XDH: variants seen among roughly 807,000 people sequenced by gnomAD.
The protein encoded by XDH is xanthine dehydrogenase/oxidase.
Under a neutral mutation model 156.1 loss-of-function variants are expected in XDH, and 138 were observed. The ratio of observed to expected loss-of-function variants is 0.88; its 90% CI spans 0.77 to 1.02. The LOEUF (loss-of-function observed/expected upper bound fraction) is 1.02. Among genes scored for constraint, XDH ranks in the 50% least tolerant of loss-of-function variants. XDH has a pLI of 0.00. For synonymous variants in XDH, 669 were observed against 625.7 expected, an observed-to-expected ratio of 1.07 and a Z score of -1.03; for missense variants, 1,849 against 1,684.9, an observed-to-expected ratio of 1.10 and a Z score of -1.71.
rs1687110758 is a variant in XDH, at chr2:31,403,286, A to G, written c.101-142T>C. Reference sequence around the variant, plus strand: ...CTCAACCAAGGAAGGCAGCAGGCCCACTGGCCTCCTTATTCAGAGGGGCTG... The same window carrying G: ...CTCAACCAAGGAAGGCAGCAGGCCCGCTGGCCTCCTTATTCAGAGGGGCTG... On this transcript the variant is annotated intron_variant, in intron 2 of 35. Coordinates refer to ENST00000379416, the MANE Select transcript of XDH (RefSeq NM_000379.4). 3 of 832,088 alleles carry G rather than the reference A, an allele frequency of 3.6e-6. No individual in the cohort carries two copies. The Admixed American group carries it at 6.7e-5, about 19-fold the overall frequency. The allele number at this position is 832,088 out of a possible 1,614,324, so 51.5% of individuals were successfully genotyped here. A position where few individuals can be genotyped will look rare whatever the true frequency, so the allele number is the denominator to read the frequency against.
At chr2:31,398,451 G>A in intron 5 of XDH, 122 bp downstream of exon 5, 5 of 1,549,478 alleles carry the variant, frequency 3.2e-6, no homozygotes, top group Non-Finnish European at 4.4e-6. Context: ...CCACCTTGTT[G>A]GGGGGCCTGA....
intron 24 of XDH, among the ~76,000 whole-genome samples, chr2:31,357,829 AATAT>A (rs1236830914): frequency 5.9e-5 from 9 of 152,110 alleles, no homozygotes; most frequent in African/African-American, 2.2e-4. Flanking sequence ...GTATCCTATA[AATAT>A]ATACAACTAC....
rs755557524 is a variant in XDH at position 31,383,054 on chromosome 2, C to G, written c.985G>C (p.Gly329Arg). ...LPAQKTEVFR[G>R]VLEQLRWFAG... ...AACCAGCGCAGCTGCTCCAGGACCC[C>G]TCTGAACACCTCTGTCTTTTGGGCA... Residue 329 changes from glycine (G) to arginine (R), a missense_variant, in exon 11 of 36, where the codon GGG (glycine) becomes CGG (arginine). Coordinates refer to ENST00000379416, the MANE Select transcript of XDH (RefSeq NM_000379.4). 6.2e-7 allele frequency: 1 copy of G among 1,614,098 alleles called. No individual in the cohort carries two copies. The highest frequency in any genetic ancestry group is 1.3e-5 in the African/African-American group (1 of 74,922).
At chr2:31,370,776 G>A (rs1181726177) in intron 17 of XDH, among the ~76,000 whole-genome samples, 1 of 152,138 alleles carries the variant, frequency 6.6e-6, no homozygotes, top group Non-Finnish European at 1.5e-5. Context: ...AAGGTGGGAG[G>A]ATCACTTGAG....
chr2:31,414,433 G>A (rs1409557432), intron 1 of XDH, among the ~76,000 whole-genome samples, 192 bp downstream of exon 1: 2 of 151,662 alleles, frequency 1.3e-5, no homozygotes, highest in African/African-American at 2.4e-5. Context: ...TATCTTGTCT[G>A]TGCTCTAGCC....
Position 31,365,456 on chromosome 2 carries a change from C to A in XDH, c.2544+1G>T. On this transcript the variant is annotated splice_donor_variant, in intron 23 of 35. Coordinates refer to ENST00000379416, the MANE Select transcript of XDH (RefSeq NM_000379.4). LOFTEE classifies it high-confidence loss of function. ...CCCAGCACAGCCCCAACATCTAGAA[C>A]CTTGTATCTGGCCAGGAAGGGATGT... 1.9e-6 allele frequency: 3 copies of A among 1,614,184 alleles called. No homozygotes were observed. Among genetic ancestry groups the A allele is most frequent in the Non-Finnish European group, 2.5e-6 (3 of 1,180,028 alleles).
At chr2:31,352,975 C>T (rs1267315553) in intron 24 of XDH, among the ~76,000 whole-genome samples, 1 of 150,254 alleles carries the variant, frequency 6.7e-6, no homozygotes, top group Non-Finnish European at 1.5e-5. Flanking sequence ...TCTATCTCGG[C>T]CTCCCAAAGT....
At chr2:31,386,956 G>A (rs112948860) in intron 8 of XDH, among the ~76,000 whole-genome samples, 1 of 109,174 alleles carries the variant, frequency 9.2e-6, no homozygotes, top group Non-Finnish European at 1.9e-5. Flanking sequence ...GGGAGGGAGG[G>A]AGGGAGAGAG....
At chr2:31,342,436 T>A (rs1353895529) in intron 31 of XDH, 139 bp from the exon 32 acceptor site, 1 of 719,240 alleles carries the variant, frequency 1.4e-6, no homozygotes, top group Non-Finnish European at 2.4e-6. Flanking sequence ...AGTCCATGGT[T>A]TGAACAATTT....
intron 33 of XDH, among the ~76,000 whole-genome samples, chr2:31,340,813 C>T (rs372445623): frequency 1.3e-5 from 2 of 152,104 alleles, no homozygotes; most frequent in African/African-American, 4.8e-5. Context: ...TCTCCTAAAG[C>T]GATTTTCTCT....
At chr2:31,406,048 T>A in intron 1 of XDH, 84 bp from the exon 2 acceptor site, 1 of 1,454,064 alleles carries the variant, frequency 6.9e-7, no homozygotes, top group Non-Finnish European at 9.6e-7. Flanking sequence ...AGTGTCTCAC[T>A]CAATAATTTG....
Position 31,401,285 on chromosome 2 carries a change from G to A in XDH, c.241C>T (p.His81Tyr). ...TCCACAGTTGTCACTGCAACATGGT[G>A]CAAGGAGCAGATGGGGGCCAGGCAG... ...NACLAPICSL[H>Y]HVAVTTVEGI... Residue 81 changes from histidine (H) to tyrosine (Y), a missense_variant, in exon 4 of 36, where the codon CAC becomes TAC. Coordinates refer to ENST00000379416, the MANE Select transcript of XDH (RefSeq NM_000379.4). 1 of 1,614,202 alleles carries A rather than the reference G, an allele frequency of 6.2e-7. No homozygotes were observed. Among genetic ancestry groups the A allele is most frequent in the Non-Finnish European group, 8.5e-7 (1 of 1,180,020 alleles).
chr2:31,384,117 C>G (rs904269657), intron 9 of XDH: 5 of 171,440 alleles, frequency 2.9e-5, no homozygotes, highest in Non-Finnish European at 5.3e-5. Context: ...TGAATTCACT[C>G]TAGTGTGTGT....
intron 13 of XDH, among the ~76,000 whole-genome samples, chr2:31,378,916 C>A (rs1486102378): frequency 6.6e-6 from 1 of 151,928 alleles, no homozygotes; most frequent in East Asian, 1.9e-4. Flanking sequence ...TCAAAATGGT[C>A]TATACAGACA....
At position 31,337,654 on chromosome 2, in the gene XDH, T is replaced by A; in HGVS notation, c.3938A>T (p.Lys1313Met). Residue 1313 changes from lysine to methionine, a missense_variant, in exon 35 of 36, where the codon AAG (lysine) becomes ATG (methionine). Physicochemically the swap from Lys to Met is moderately conservative, Grantham distance 95. Coordinates refer to ENST00000379416, the MANE Select transcript of XDH (RefSeq NM_000379.4). ...PEKIRNACVD[K>M]FTTLCVTGVP... is the part of the protein sequence containing the mutation. ...GGGGCATCATACCAGGGTGGTGAAC[T>A]TGTCCACGCAGGCATTGCGGATCTT... The A allele has an allele frequency of 6.2e-7, 1 of 1,614,112 alleles. No individual in the cohort carries two copies. Among genetic ancestry groups the A allele is most frequent in the Non-Finnish European group, 8.5e-7 (1 of 1,180,042 alleles).
chr2:31,353,614 A>G (rs1685546573), intron 24 of XDH, among the ~76,000 whole-genome samples: 1 of 152,182 alleles, frequency 6.6e-6, no homozygotes, highest in Non-Finnish European at 1.5e-5. Context: ...GGAGCTGGCA[A>G]TCCAGAAATG....
chr2:31,383,629 G>T (rs1686501942), intron 10 of XDH, 126 bp downstream of exon 10: 2 of 872,574 alleles, frequency 2.3e-6, no homozygotes, highest in Non-Finnish European at 1.9e-6. Flanking sequence ...TGTGCAAGGT[G>T]AGCCCCAGGA....
At chr2:31,353,240 G>A (rs1022000024) in intron 24 of XDH, among the ~76,000 whole-genome samples, 5 of 152,078 alleles carry the variant, frequency 3.3e-5, no homozygotes, top group African/African-American at 7.2e-5. Flanking sequence ...TGAGGAGTAC[G>A]TAGCTCCCAC....
rs1356919172 is a variant in XDH, at chr2:31,367,021, G to C, written c.2198-27C>G. The C allele has an allele frequency of 3.1e-6, 5 of 1,613,944 alleles. No individual in the cohort carries two copies. The African/African-American group carries it at 4.0e-5, about 13-fold the overall frequency. ...TGGGGAAGCAGTGAGATCCCTCACA[G>C]TGAGCCCAATGCTGCAGAAGGGGCC... On this transcript the variant is annotated intron_variant, in intron 20 of 35. Transcript: ENST00000379416.
Sources: allele counts gnomAD v4.1 joint callset (sites outside exome capture counted in the v4.1 genomes callset), GRCh38; gene constraint gnomAD v4.1.1; transcripts MANE v1.5; gene names NCBI Gene and HGNC (gene_info 2026-07-23, HGNC 2026-07-21).